Variants in FBXO34 observed in about 807,000 individuals in gnomAD.
The protein encoded by FBXO34 is F-box protein 34.
FBXO34 carries 12 observed loss-of-function variants against 24.5 expected under a neutral mutation model. The ratio of observed to expected loss-of-function variants is 0.49; its 90% CI spans 0.31 to 0.79. The LOEUF is 0.79. FBXO34 is among the 30% of genes least tolerant of loss of function. The pLI, the probability that FBXO34 is intolerant of heterozygous loss-of-function variation, is 0.04. For synonymous variants in FBXO34, 320 were observed against 311.9 expected (o/e 1.03, Z -0.27); for missense variants, 823 against 857.7 (o/e 0.96, Z 0.51).
the FBXO34 span, among the ~76,000 whole-genome samples, chr14:55,433,360 C>T: frequency 1.2e-4 from 17 of 145,598 alleles, 1 homozygote; most frequent in East Asian, 3.0e-3. Context: ...ACTGTGTTGC[C>T]CAGGCTGGTC....
intron 1 of FBXO34, among the ~76,000 whole-genome samples, chr14:55,293,027 C>T (rs547316381): frequency 6.6e-6 from 1 of 151,998 alleles, no homozygotes; most frequent in African/African-American, 2.4e-5. Flanking sequence ...GGATTACAGG[C>T]GTGTGCCACC....
chr14:55,327,908 GTTTTTTTTTT>G (rs386381425), intron 1 of FBXO34, among the ~76,000 whole-genome samples: 292 of 48,678 alleles, frequency 6.0e-3, no homozygotes, highest in African/African-American at 0.011. Context: ...GTTGTTGTTG[GTTTTTTTTTT>G]TTTTTTTTTT....
the FBXO34 span, among the ~76,000 whole-genome samples, chr14:55,398,707 C>T: frequency 2.0e-5 from 3 of 152,132 alleles, no homozygotes; most frequent in South Asian, 2.1e-4. Context: ...AAGTTCCACG[C>T]GTACTTGAAA....
chr14:55,318,546 T>C (rs1297719756), intron 1 of FBXO34, among the ~76,000 whole-genome samples: 1 of 150,852 alleles, frequency 6.6e-6, no homozygotes, highest in Non-Finnish European at 1.5e-5. Context: ...TTTTTATTTT[T>C]AGAGACAGGG....
chr14:55,411,905 G>A, the FBXO34 span: 18 of 1,304,362 alleles, frequency 1.4e-5, no homozygotes, highest in African/African-American at 2.9e-5. Flanking sequence ...GCCTGGGGAA[G>A]GGGGGCTGGG....
intron 1 of FBXO34, chr14:55,282,294 A>C (rs970580758): frequency 2.3e-6 from 1 of 437,342 alleles, no homozygotes; most frequent in Non-Finnish European, 4.6e-6. Context: ...CGCCCCGCCA[A>C]ATTTAGCTTT....
In FBXO34 at chr14:55,336,814, C is replaced by T. The variant is rs79800465; in HGVS notation, c.-10-13567C>T. 5.6e-5 allele frequency among the ~76,000 whole-genome samples: 8 copies of T among 142,416 alleles called. No homozygotes were observed. In the East Asian group the frequency reaches 1.4e-3, roughly 26 times the overall value. The allele number at this position is 142,416 out of a possible 152,430, so 93.4% of individuals were successfully genotyped here. ...ATGCATACACACATTTTGAGAACTTCCCAGAAATGTAAAAAAAAAAAATGC... is the reference window on the plus strand; with the variant it reads ...ATGCATACACACATTTTGAGAACTTTCCAGAAATGTAAAAAAAAAAAATGC... On this transcript the variant is annotated intron_variant, in intron 1 of 1. Transcript: ENST00000313833.
chr14:55,432,337 C>T, the FBXO34 span, among the ~76,000 whole-genome samples: 9 of 150,656 alleles, frequency 6.0e-5, no homozygotes, highest in African/African-American at 1.7e-4. Context: ...GGCTCCAGCC[C>T]GGGAGGTGGA....
chr14:55,334,524 AT>A (rs1883708240), intron 1 of FBXO34, among the ~76,000 whole-genome samples: 1 of 117,000 alleles, frequency 8.5e-6, no homozygotes, highest in Non-Finnish European at 1.7e-5. Flanking sequence ...CCATTGGGTA[AT>A]ATTGATGGGG....
the FBXO34 span, among the ~76,000 whole-genome samples, chr14:55,405,960 G>A: frequency 4.6e-5 from 7 of 152,092 alleles, no homozygotes; most frequent in South Asian, 2.1e-4. Context: ...GGGCAAGGTG[G>A]GGGATGAGGA....
At chr14:55,374,577 GGTTTTGT>G (rs1187176850), downstream of FBXO34, among the ~76,000 whole-genome samples, 1 of 151,992 alleles carries the variant, frequency 6.6e-6, no homozygotes, top group Admixed American at 6.6e-5. Context: ...ATGGTTTTTG[GGTTTTGT>G]GGCTTACTTG....
the FBXO34 span, among the ~76,000 whole-genome samples, chr14:55,439,653 G>C: frequency 7.5e-6 from 1 of 133,678 alleles, no homozygotes. Flanking sequence ...AAAATTAGCC[G>C]GGCATGGTGG....
intron 1 of FBXO34, among the ~76,000 whole-genome samples, chr14:55,291,019 G>T (rs978378245): frequency 2.0e-5 from 3 of 151,870 alleles, no homozygotes; most frequent in African/African-American, 7.3e-5. Context: ...GAGACAGGGG[G>T]TTTCACCATG....
Position 55,350,513 on chromosome 14 carries a change from C to A in FBXO34, c.123C>A (p.Ser41Arg). Residue 41 changes from serine to arginine, a missense_variant, in exon 2 of 2, where the codon AGC (serine) becomes AGA (arginine). Coordinates refer to ENST00000313833, the MANE Select transcript of FBXO34 (RefSeq NM_017943.4). The part of the protein sequence containing the change: ...KAVNDETCKA[S>R]HITSSVFPSA... ...TAAATGATGAAACATGCAAAGCTAGCCACATAACATCAAGTGTCTTTCCTT... is the reference window on the plus strand; with the variant it reads ...TAAATGATGAAACATGCAAAGCTAGACACATAACATCAAGTGTCTTTCCTT... 6.2e-7 allele frequency: 1 copy of A among 1,613,790 alleles called. No homozygotes were observed. Among genetic ancestry groups the A allele is most frequent in the Non-Finnish European group, 8.5e-7 (1 of 1,179,956 alleles).
the FBXO34 span, chr14:55,440,606 G>T: frequency 1.1e-5 from 17 of 1,501,064 alleles, no homozygotes; most frequent in Middle Eastern, 7.5e-4. Flanking sequence ...CAGAGGGCGC[G>T]AGAGAAGCGT....
chr14:55,355,897 AGGTAAAG>A (rs1221881312), downstream of FBXO34, among the ~76,000 whole-genome samples: 1 of 152,152 alleles, frequency 6.6e-6, no homozygotes. Context: ...CCTGACAGGG[AGGTAAAG>A]GGGTCTTGGA....
At chr14:55,308,087 C>T (rs981146104) in intron 1 of FBXO34, among the ~76,000 whole-genome samples, 5 of 152,074 alleles carry the variant, frequency 3.3e-5, no homozygotes, top group African/African-American at 9.7e-5. Context: ...TGCGTGTTGC[C>T]GTGTAAGAGT....
At chr14:55,422,863 A>G in the FBXO34 span, among the ~76,000 whole-genome samples, 89 of 152,242 alleles carry the variant, frequency 5.8e-4, 1 homozygote, top group Admixed American at 5.8e-3. Context: ...AAAAACAAAA[A>G]CAAACAAACA....
chr14:55,403,844 A>G, the FBXO34 span, among the ~76,000 whole-genome samples: 2 of 152,256 alleles, frequency 1.3e-5, no homozygotes, highest in Non-Finnish European at 2.9e-5. Flanking sequence ...TGTTTGAGCT[A>G]AACATTTCAA....
Sources: gnomAD v4.1 joint callset for allele counts (sites outside exome capture counted in the v4.1 genomes callset) on GRCh38, gnomAD v4.1.1 for gene constraint, MANE v1.5 for transcripts, NCBI Gene and HGNC (gene_info 2026-07-23, HGNC 2026-07-21) for gene names.